ZNF395: variants seen among roughly 807,000 people sequenced by gnomAD.
ZNF395 encodes zinc finger protein 395, also known as HD gene regulatory region-binding protein 2.
Under a neutral mutation model 57.7 loss-of-function variants are expected in ZNF395, and 20 were observed. That is an observed-to-expected ratio of 0.35 (90% CI 0.24 to 0.50). ZNF395 has a LOEUF of 0.50. Ranked by LOEUF, ZNF395 falls within the 20% of genes least tolerant of loss-of-function variation. The probability of loss-of-function intolerance (pLI) is 0.97; values close to 1 mark genes in which losing one functional copy is unlikely to be tolerated. For synonymous variants in ZNF395, 295 were observed against 275.9 expected (o/e 1.07, Z -0.69); for missense variants, 606 against 671.2 (o/e 0.90, Z 1.07).
intron 1 of ZNF395, chr8:28,384,975 G>A (rs1281041297): frequency 6.6e-6 from 1 of 152,320 alleles, no homozygotes; most frequent in Non-Finnish European, 1.5e-5. Flanking sequence ...TGAACTTAAT[G>A]GCCATGTTTC....
Position 28,356,778 on chromosome 8 carries a change from T to C in ZNF395, c.475A>G (p.Lys159Glu). ...TCATCCATTTCCACTGCGTCCGACT[T>C]CCTGGATTCACACGGATGAGTGGGA... ...VSRNIDVPKR[K>E]SDAVEMDEMM... is the part of the protein sequence containing the mutation. The change falls in exon 4 of 10, where the codon AAG becomes GAG. Residue 159 changes from lysine to glutamate, a missense_variant and splice_region_variant. By Grantham distance (56) the Lys-to-Glu change is moderately conservative. Transcript: ENST00000344423. The surrounding 1 kb of genome is among the most constrained non-coding windows in gnomAD (Gnocchi z 4.0). The C allele has an allele frequency of 6.2e-7, 1 of 1,613,628 alleles. No individual in the cohort carries two copies. Among genetic ancestry groups the C allele is most frequent in the South Asian group, 1.1e-5 (1 of 91,040 alleles).
At position 28,351,566 on chromosome 8, in the gene ZNF395, G is replaced by A; in HGVS notation, c.1162C>T (p.Leu388=). 2 of 1,613,894 alleles carry A rather than the reference G, an allele frequency of 1.2e-6. No homozygotes were observed. Among genetic ancestry groups the A allele is most frequent in the South Asian group, 1.1e-5 (1 of 91,092 alleles). The change falls in exon 7 of 10, where the codon CTG becomes TTG. Residue 388 remains leucine (L), a synonymous_variant. Transcript: ENST00000344423. The part of the protein sequence containing the change: ...GPEHPGPESS[L]PSGALSKSAP... ...GACTTGCTGAGAGCCCCTGAGGGCA[G>A]GGAGGACTCCGGGCCAGGATGTTCT...
At chr8:28,368,201 G>A (rs906516806) in intron 1 of ZNF395, among the ~76,000 whole-genome samples, 11 of 152,256 alleles carry the variant, frequency 7.2e-5, no homozygotes, top group South Asian at 2.1e-4. Context: ...ACCAGGAGCC[G>A]AGTATCCCTG....
rs201650389 is a variant in ZNF395, at chr8:28,360,949, T to C, written c.176A>G (p.Lys59Arg). ...SDDTPCQEQP[K>R]EVLKAPSTSG... ...GGTGCTGGGAGCCTTAAGGACTTCC[T>C]TGGGCTGCTCCTGGCAGGGGGTGTC... Residue 59 changes from lysine (K) to arginine (R), a missense_variant, in exon 2 of 10, where the codon AAG becomes AGG. By Grantham distance (26) the Lys-to-Arg change is conservative. Transcript: ENST00000344423. The C allele has an allele frequency of 3.3e-5, 54 of 1,613,758 alleles. 1 individual carries two copies. The Middle Eastern group carries it at 6.6e-4, about 20-fold the overall frequency.
Position 28,351,649 on chromosome 8 carries a change from G to C in ZNF395, c.1079C>G (p.Thr360Ser), listed in dbSNP as rs757903586. 8 of 1,613,384 alleles carry C rather than the reference G, an allele frequency of 5.0e-6. No homozygotes were observed. The highest frequency in any genetic ancestry group is 6.8e-6 in the Non-Finnish European group (8 of 1,179,940). Residue 360 changes from threonine (T) to serine (S), a missense_variant, in exon 7 of 10, where the codon ACT (threonine) becomes AGT (serine). Around this residue, in one of 3 missense-constraint regions of ZNF395, gnomAD observed 261 missense variants for 240.3 expected, o/e 1.09. Transcript: ENST00000344423. Reference sequence around the variant, plus strand: ...TGGAAGAGCAGACAGAGGCAGGCCAGTCATGCTGGGGGTGGGAGCTGGCTC... The same window carrying C: ...TGGAAGAGCAGACAGAGGCAGGCCACTCATGCTGGGGGTGGGAGCTGGCTC... ...TSEPAPTPSMTGLPLSALPPP... is the reference protein window; with the variant it reads ...TSEPAPTPSMSGLPLSALPPP...
chr8:28,385,841 GC>G (rs1258980292), intron 1 of ZNF395, among the ~76,000 whole-genome samples: 2 of 146,578 alleles, frequency 1.4e-5, no homozygotes, highest in African/African-American at 4.9e-5. Context: ...CGCCACCCCG[GC>G]CCTGCCGCAG....
intron 1 of ZNF395, among the ~76,000 whole-genome samples, chr8:28,379,867 C>A (rs1281200674): frequency 7.6e-6 from 1 of 131,668 alleles, no homozygotes. Flanking sequence ...AAGCTGCATG[C>A]CTCAACCCAA....
At chr8:28,349,012 G>C (rs1801644115) in intron 9 of ZNF395, 113 bp downstream of exon 9, 3 of 1,204,018 alleles carry the variant, frequency 2.5e-6, no homozygotes, top group African/African-American at 3.0e-5. Flanking sequence ...CCGCCATCTG[G>C]GCTCCTCTCT....
In ZNF395 at chr8:28,347,954, G is replaced by T. The variant is rs1801628095; in HGVS notation, c.*765C>A. ...CGAGGAAAGAGGAGAGAATGATCAA[G>T]GTAGTGTTTAACTGCCACATTCCAA... On this transcript the variant is annotated 3_prime_UTR_variant, in exon 10 of 10. Coordinates refer to ENST00000344423, the MANE Select transcript of ZNF395 (RefSeq NM_018660.3). 1 of 152,222 alleles carries T rather than the reference G, an allele frequency of 6.6e-6. No individual in the cohort carries two copies. The highest frequency in any genetic ancestry group is 1.5e-5 in the Non-Finnish European group (1 of 68,040). The allele number at this position is 152,222 out of a possible 1,614,324, so 9.4% of individuals were successfully genotyped here.
intron 1 of ZNF395, among the ~76,000 whole-genome samples, chr8:28,376,996 G>A (rs1374682404): frequency 6.6e-6 from 1 of 152,154 alleles, no homozygotes; most frequent in African/African-American, 2.4e-5. Context: ...ATTCTCCAAA[G>A]ATGAGATAAA....
At chr8:28,378,269 G>A (rs959275277) in intron 1 of ZNF395, among the ~76,000 whole-genome samples, 1 of 152,152 alleles carries the variant, frequency 6.6e-6, no homozygotes, top group African/African-American at 2.4e-5. Flanking sequence ...CTGTCACCCA[G>A]GCTGGAGTGC....
At position 28,351,571 on chromosome 8, in the gene ZNF395, G is replaced by A. The variant is rs1801683732; in HGVS notation, c.1157C>T (p.Ser386Phe). Residue 386 changes from serine to phenylalanine, a missense_variant, in exon 7 of 10, where the codon TCC (serine) becomes TTC (phenylalanine). This residue lies in a region of ZNF395 where 261 missense variants were observed against 240.3 expected (regional missense o/e 1.09). Coordinates refer to ENST00000344423, the MANE Select transcript of ZNF395 (RefSeq NM_018660.3). ...SSGPEHPGPE[S>F]SLPSGALSKS... ...GCTGAGAGCCCCTGAGGGCAGGGAG[G>A]ACTCCGGGCCAGGATGTTCTGGGCC... 5.0e-6 allele frequency: 8 copies of A among 1,613,842 alleles called. No homozygotes were observed. Among genetic ancestry groups the A allele is most frequent in the Non-Finnish European group, 6.8e-6 (8 of 1,180,000 alleles).
intron 1 of ZNF395, among the ~76,000 whole-genome samples, chr8:28,374,907 A>G (rs748072295): frequency 2.0e-5 from 3 of 152,356 alleles, no homozygotes; most frequent in Middle Eastern, 3.4e-3. Flanking sequence ...GATGGGAATC[A>G]GGATTCCTAA....
At chr8:28,372,780 TG>T (rs1270307956) in intron 1 of ZNF395, among the ~76,000 whole-genome samples, 10 of 152,200 alleles carry the variant, frequency 6.6e-5, no homozygotes, top group Admixed American at 6.5e-4. Flanking sequence ...AGTGAGACCC[TG>T]TCTCAGGGCC....
rs1801821441 is a variant in ZNF395 at position 28,359,449 on chromosome 8, C to T, written c.473+143G>A. 1 of 1,206,732 alleles carries T rather than the reference C, an allele frequency of 8.3e-7. No homozygotes were observed. Among genetic ancestry groups the T allele is most frequent in the Non-Finnish European group, 1.1e-6 (1 of 889,890 alleles). 74.8% of individuals were successfully genotyped at this position (1,206,732 alleles called of 1,614,324 possible). On this transcript the variant is annotated intron_variant, in intron 3 of 9. Coordinates refer to ENST00000344423, the MANE Select transcript of ZNF395 (RefSeq NM_018660.3). This position sits in a 1 kb window ranked among gnomAD's most constrained non-coding sequence, Gnocchi z 4.7. ...ACTCTGGTTTTCTTAAAAGATTCCC[C>T]TTTTCTGTGTCCCATTTGTCCCAAT...
At chr8:28,381,134 G>T (rs557605271) in intron 1 of ZNF395, among the ~76,000 whole-genome samples, 1 of 151,896 alleles carries the variant, frequency 6.6e-6, no homozygotes, top group Non-Finnish European at 1.5e-5. Context: ...CTCTGCCTCC[G>T]GGGTTCATGC....
chr8:28,377,797 G>A (rs1005467628), intron 1 of ZNF395, among the ~76,000 whole-genome samples: 5 of 129,108 alleles, frequency 3.9e-5, no homozygotes, highest in South Asian at 2.5e-4. Context: ...TCACTCTGTC[G>A]CCCAGGCTGG....
chr8:28,384,706 C>T (rs1324555739), intron 1 of ZNF395, among the ~76,000 whole-genome samples: 1 of 152,230 alleles, frequency 6.6e-6, no homozygotes, highest in Non-Finnish European at 1.5e-5. Context: ...TTACTCTCCA[C>T]AGGCATAATT....
intron 1 of ZNF395, among the ~76,000 whole-genome samples, chr8:28,361,563 T>C (rs1801849941): frequency 6.6e-6 from 1 of 152,228 alleles, no homozygotes. Flanking sequence ...CCATTCCTAT[T>C]CTAATCTCTT....
Sources: gnomAD v4.1 joint callset for allele counts (sites outside exome capture counted in the v4.1 genomes callset) on GRCh38, gnomAD v4.1.1 for gene constraint, gnomAD v4.1.1 regional missense constraint, Gnocchi (gnomAD v3.1) non-coding constraint, MANE v1.5 for transcripts, NCBI Gene and HGNC (gene_info 2026-07-23, HGNC 2026-07-21) for gene names.